Variants in ZNF563 observed in about 807,000 individuals in gnomAD.
ZNF563 encodes the protein zinc finger protein 563.
ZNF563 carries 39 observed loss-of-function variants against 48.5 expected under a neutral mutation model. The ratio of observed to expected loss-of-function variants is 0.80; its 90% CI spans 0.62 to 1.05. The LOEUF is 1.05. Ranked by LOEUF, ZNF563 falls within the 50% of genes least tolerant of loss-of-function variation. The probability of loss-of-function intolerance (pLI) is 0.00; values close to 1 mark genes in which losing one functional copy is unlikely to be tolerated. For synonymous variants in ZNF563, 168 were observed against 187.9 expected (o/e 0.89, Z 0.87); for missense variants, 538 against 597.0 (o/e 0.90, Z 1.03).
chr19:12,337,919 C>T (rs917026178), upstream of ZNF563, among the ~76,000 whole-genome samples: 2 of 151,976 alleles, frequency 1.3e-5, no homozygotes, highest in African/African-American at 2.4e-5. Context: ...GTAAAACCAC[C>T]ATGTCTACCA....
chr19:12,333,749 T>A, upstream of ZNF563: 1 of 520,580 alleles, frequency 1.9e-6, no homozygotes, highest in East Asian at 3.2e-5. Context: ...ATAGCTCTGA[T>A]TGGATAGGGC....
At chr19:12,333,818 CGAG>C (rs1443978118), upstream of ZNF563, 3 of 366,516 alleles carry the variant, frequency 8.2e-6, no homozygotes, top group Non-Finnish European at 1.5e-5. Flanking sequence ...AGTGCTGAGT[CGAG>C]CGGGATGAAC....
rs1568472154 is a variant in ZNF563, at chr19:12,319,215, T to A, written c.810A>T (p.Arg270Ser). ...KALPDSSSYI[R>S]HERTHTGEKP... Reference sequence around the variant, plus strand: ...TCTCTCCAGTGTGAGTTCTTTCATGTCTTATATAGGAACTGGAATCAGGCA... The same window carrying A: ...TCTCTCCAGTGTGAGTTCTTTCATGACTTATATAGGAACTGGAATCAGGCA... The change falls in exon 4 of 4, where the codon AGA (arginine) becomes AGT (serine). Residue 270 changes from arginine (R) to serine (S), a missense_variant. Transcript: ENST00000293725. 6.2e-7 allele frequency: 1 copy of A among 1,613,942 alleles called. No individual in the cohort carries two copies. The highest frequency in any genetic ancestry group is 8.5e-7 in the Non-Finnish European group (1 of 1,179,964).
chr19:12,319,723 T>G lies in ZNF563; in HGVS notation c.302A>C (p.Asp101Ala), dbSNP rs1968557006. The change falls in exon 4 of 4, where the codon GAT (aspartate) becomes GCT (alanine). Residue 101 changes from aspartate (D) to alanine (A), a missense_variant. Physicochemically the swap from Asp to Ala is moderately radical, Grantham distance 126 (BLOSUM62 -2). Coordinates refer to ENST00000293725, the MANE Select transcript of ZNF563 (RefSeq NM_145276.3). ...TTCACACTCAGCGCTTTGACATGGA[T>G]CTTCTCCAGGACAAATGCTGTTGTT... ...IVNNSICPGE[D>A]PCQSAECEEV... 6.2e-7 allele frequency: 1 copy of G among 1,614,072 alleles called. No individual in the cohort carries two copies. The highest frequency in any genetic ancestry group is 1.1e-5 in the South Asian group (1 of 91,092).
At chr19:12,335,228 A>T (rs1425275097), upstream of ZNF563, among the ~76,000 whole-genome samples, 1 of 152,200 alleles carries the variant, frequency 6.6e-6, no homozygotes, top group Non-Finnish European at 1.5e-5. Context: ...ACTTAGTCCC[A>T]TTCTTGGGAC....
chr19:12,321,715 G>T lies in ZNF563; in HGVS notation c.131-383C>A, dbSNP rs534000050. Among the ~76,000 whole-genome samples the T allele has an allele frequency of 1.2e-4, 19 of 152,226 alleles. No homozygotes were observed. The South Asian group carries it at 3.9e-3, about 32-fold the overall frequency. On this transcript the variant is annotated intron_variant, in intron 2 of 3. Coordinates refer to ENST00000293725, the MANE Select transcript of ZNF563 (RefSeq NM_145276.3). ...CCACCTCAGCCTCCCAAAATGCTGGGATTACAGGCATGAGCCACCATACCC... is the reference window on the plus strand; with the variant it reads ...CCACCTCAGCCTCCCAAAATGCTGGTATTACAGGCATGAGCCACCATACCC...
chr19:12,334,868 CAAAAAAAAAAAAAA>C (rs35412288), upstream of ZNF563, among the ~76,000 whole-genome samples: 1 of 45,018 alleles, frequency 2.2e-5, no homozygotes, highest in East Asian at 1.3e-3. Flanking sequence ...GACCTGGTCT[CAAAAAAAAAAAAAA>C]AAAAAAAAAA....
rs765156632 is a variant in ZNF563 at position 12,319,756 on chromosome 19, C to A, written c.269G>T (p.Ser90Ile). The A allele has an allele frequency of 6.2e-7, 1 of 1,614,170 alleles. No homozygotes were observed. The highest frequency in any genetic ancestry group is 1.1e-5 in the South Asian group (1 of 91,074). ...CGETFSLIRD[S>I]IVNNSICPGE... ...AGGACAAATGCTGTTGTTCACAATA[C>A]TATCTCGAATGAGGCTAAATGTTTC... Residue 90 changes from serine to isoleucine, a missense_variant, in exon 4 of 4, where the codon AGT becomes ATT. Transcript: ENST00000293725.
At chr19:12,322,822 G>T in intron 1 of ZNF563, 111 bp from the exon 2 acceptor site, 6 of 1,189,648 alleles carry the variant, frequency 5.0e-6, no homozygotes, top group Non-Finnish European at 6.8e-6. Flanking sequence ...TTTATTCAAT[G>T]ATGTAGTAAA....
intron 3 of ZNF563, 123 bp downstream of exon 3, chr19:12,321,149 G>T: frequency 1.5e-6 from 1 of 674,448 alleles, no homozygotes; most frequent in Non-Finnish European, 2.4e-6. Context: ...AAAAAAAAAA[G>T]TTAATTTAAA....
chr19:12,330,847 T>C (rs1469350842), intron 1 of ZNF563, among the ~76,000 whole-genome samples: 2 of 152,226 alleles, frequency 1.3e-5, no homozygotes, highest in African/African-American at 2.4e-5. Context: ...CCAGAAAAAG[T>C]ATTTTAAGAG....
chr19:12,341,936 G>A, the ZNF563 span, among the ~76,000 whole-genome samples: 83 of 152,304 alleles, frequency 5.4e-4, 1 homozygote, highest in Admixed American at 1.0e-3. Flanking sequence ...CACATGGAAC[G>A]CTCTCTAAGA....
chr19:12,321,383 A>G (rs947693208), intron 2 of ZNF563, 51 bp from the exon 3 acceptor site: 1 of 1,232,354 alleles, frequency 8.1e-7, no homozygotes, highest in Non-Finnish European at 1.1e-6. Flanking sequence ...AATTATATAA[A>G]ACAGTAAGAT....
chr19:12,321,123 G>C (rs1381158668), intron 3 of ZNF563, 149 bp downstream of exon 3: 4 of 527,784 alleles, frequency 7.6e-6, no homozygotes, highest in African/African-American at 4.0e-5. Context: ...CTGGGCAACA[G>C]AGCAAGGCCC....
intron 3 of ZNF563, 83 bp from the exon 4 acceptor site, chr19:12,319,916 CTTT>C (rs61319567): frequency 3.0e-4 from 320 of 1,083,700 alleles, no homozygotes; most frequent in Admixed American, 4.9e-4. Flanking sequence ...ATTGGATGTA[CTTT>C]TTTTTTTTTT....
chr19:12,338,563 A>C (rs1969042302), upstream of ZNF563, among the ~76,000 whole-genome samples: 2 of 152,056 alleles, frequency 1.3e-5, no homozygotes, highest in Non-Finnish European at 2.9e-5. Context: ...ATTTTAAAAC[A>C]CTACAGTTGG....
intron 1 of ZNF563, among the ~76,000 whole-genome samples, chr19:12,330,295 A>G (rs113625260): frequency 1.3e-5 from 2 of 152,100 alleles, no homozygotes; most frequent in African/African-American, 4.8e-5. Context: ...CATTACAGAC[A>G]TATCTCCACC....
chr19:12,328,440 C>G (rs1018265788), intron 1 of ZNF563, among the ~76,000 whole-genome samples: 4 of 152,192 alleles, frequency 2.6e-5, no homozygotes, highest in African/African-American at 7.2e-5. Flanking sequence ...GCACTCCACA[C>G]TACCAGCCTG....
At chr19:12,324,922 T>G (rs1968747148) in intron 1 of ZNF563, 1 of 152,170 alleles carries the variant, frequency 6.6e-6, no homozygotes, top group South Asian at 2.1e-4. Flanking sequence ...ACCCCACCTC[T>G]GCGCCAGTCT....
Sources: gnomAD v4.1 joint callset for allele counts (sites outside exome capture counted in the v4.1 genomes callset) on GRCh38, gnomAD v4.1.1 for gene constraint, MANE v1.5 for transcripts, NCBI Gene and HGNC (gene_info 2026-07-23, HGNC 2026-07-21) for gene names.